The following MED23 variants were observed in gnomAD, a reference collection of about 807,000 sequenced individuals.
MED23 encodes the protein mediator complex subunit 23.
Under a neutral mutation model 163.9 loss-of-function variants are expected in MED23, and 105 were observed. The ratio of observed to expected loss-of-function variants is 0.64; its 90% confidence interval spans 0.55 to 0.75. The LOEUF is 0.75. Ranked by LOEUF, MED23 falls within the 30% of genes least tolerant of loss-of-function variation. MED23 has a pLI of 0.00. For missense variants in MED23, 1,054 were observed against 1,649.0 expected (o/e 0.64, Z 6.25); for synonymous variants, 561 against 565.6 (o/e 0.99, Z 0.12).
In MED23 at chr6:131,587,329, T is replaced by C. The variant is rs1241073761; in HGVS notation, c.*350A>G. 18 of 1,109,786 alleles carry C rather than the reference T, an allele frequency of 1.6e-5. No homozygotes were observed. The highest frequency in any genetic ancestry group is 5.8e-5 in the South Asian group (2 of 34,624). The allele number at this position is 1,109,786 out of a possible 1,614,324, so 68.7% of individuals were successfully genotyped here. A position where few individuals can be genotyped will look rare whatever the true frequency, so the allele number is the denominator to read the frequency against. ...ATATATCTGAAGACTAAATATGTCA[T>C]TAATAATAAAAAATACAAACAAAAA... On this transcript the variant is annotated 3_prime_UTR_variant, in exon 29 of 29. Transcript: ENST00000368068.
intron 12 of MED23, among the ~76,000 whole-genome samples, chr6:131,607,215 G>A (rs1452922146): frequency 6.6e-6 from 1 of 151,354 alleles, no homozygotes; most frequent in Admixed American, 6.6e-5. Flanking sequence ...GTTACAGCTA[G>A]TGCATGGTGG....
Position 131,581,314 on chromosome 6 carries a change from C to T in MED23, c.4095+6395G>A. 3 of 1,613,910 alleles carry T rather than the reference C, an allele frequency of 1.9e-6. No individual in the cohort carries two copies. On this transcript the variant is annotated intron_variant, in intron 30 of 30. Coordinates refer to the MED23 transcript ENST00000354577. Reference sequence around the variant, plus strand: ...CACACTGATATCAACACTCCACTGACAACCACAAGTGGAAACTTGCATGGA... The same window carrying T: ...CACACTGATATCAACACTCCACTGATAACCACAAGTGGAAACTTGCATGGA...
intron 13 of MED23, 72 bp downstream of exon 13, chr6:131,606,407 G>T: frequency 1.3e-6 from 2 of 1,513,716 alleles, no homozygotes; most frequent in Admixed American, 1.7e-5. Context: ...CACAAACACC[G>T]AGACCAATAT....
intron 26 of MED23, 107 bp downstream of exon 26, chr6:131,591,206 C>T (rs1774601115): frequency 1.2e-6 from 1 of 823,872 alleles, no homozygotes; most frequent in Non-Finnish European, 2.0e-6. Flanking sequence ...TCTCAATCGC[C>T]TGACCTTGTG....
intron 26 of MED23, 32 bp downstream of exon 26, chr6:131,591,281 G>A (rs762147379): frequency 3.0e-5 from 46 of 1,553,748 alleles, no homozygotes; most frequent in Middle Eastern, 1.8e-4. Context: ...CCCAGCCTAC[G>A]TCAAATTTCT....
intron 13 of MED23, 97 bp downstream of exon 13, chr6:131,606,382 G>A: frequency 2.9e-6 from 4 of 1,361,588 alleles, no homozygotes; most frequent in South Asian, 1.2e-5. Flanking sequence ...GGTATGCGGA[G>A]ATTTCCAAAT....
intron 16 of MED23, among the ~76,000 whole-genome samples, 158 bp downstream of exon 16, chr6:131,602,872 C>G (rs1287078179): frequency 6.6e-6 from 1 of 151,842 alleles, no homozygotes; most frequent in Admixed American, 6.6e-5. Flanking sequence ...GACTCTGCTC[C>G]TATACTGGAA....
intron 20 of MED23, among the ~76,000 whole-genome samples, chr6:131,597,000 T>A (rs1202570727): frequency 6.6e-6 from 1 of 152,166 alleles, no homozygotes; most frequent in Non-Finnish European, 1.5e-5. Context: ...TACACCTCCA[T>A]CTTATCCTGA....
chr6:131,623,470 A>G lies in MED23; in HGVS notation c.285-8T>C. On this transcript the variant is annotated splice_region_variant and splice_polypyrimidine_tract_variant and intron_variant, in intron 4 of 28. Transcript: ENST00000368068. ...AGGGATTCACAAACCAGCCTATAAA[A>G]AAAGAAATAGCCATTCCAGTTACAA... 1 of 1,609,142 alleles carries G rather than the reference A, an allele frequency of 6.2e-7. No individual in the cohort carries two copies. The highest frequency in any genetic ancestry group is 8.5e-7 in the Non-Finnish European group (1 of 1,175,406).
At chr6:131,605,592 C>T in intron 13 of MED23, 107 bp from the exon 14 acceptor site, 3 of 1,040,340 alleles carry the variant, frequency 2.9e-6, no homozygotes, top group Admixed American at 2.9e-5. Flanking sequence ...TTAATGCTAT[C>T]TTTGTTCCTA....
Position 131,618,403 on chromosome 6 carries a change from A to G in MED23, c.780+4T>C, listed in dbSNP as rs371587600. The G allele has an allele frequency of 6.3e-7, 1 of 1,598,814 alleles. No individual in the cohort carries two copies. Among genetic ancestry groups the G allele is most frequent in the African/African-American group, 1.3e-5 (1 of 74,584 alleles). The stretch of plus-strand genomic sequence containing the variant: ...TAAAAGTGCCATTATATTTAGCAAC[A>G]TACCTTATCATATGGCAAAAGGCCT... On this transcript the variant is annotated splice_donor_region_variant and intron_variant, in intron 9 of 28. Transcript: ENST00000368068.
At chr6:131,603,493 A>G (rs1011044965) in intron 15 of MED23, among the ~76,000 whole-genome samples, 3 of 151,988 alleles carry the variant, frequency 2.0e-5, no homozygotes, top group Non-Finnish European at 4.4e-5. Context: ...AATCTTCTCA[A>G]TTCTGATATC....
chr6:131,589,265 T>G (rs151312084), intron 28 of MED23, among the ~76,000 whole-genome samples, 200 bp downstream of exon 28: 9 of 152,246 alleles, frequency 5.9e-5, no homozygotes, highest in African/African-American at 9.6e-5. Flanking sequence ...TACAAGAAAT[T>G]ATAACATGTA....
At chr6:131,580,822 C>G (rs969517824) in intron 30 of MED23, among the ~76,000 whole-genome samples, 1 of 152,094 alleles carries the variant, frequency 6.6e-6, no homozygotes, top group Non-Finnish European at 1.5e-5. Context: ...TAAGTATTTA[C>G]CAAGAGAGAT....
intron 9 of MED23, among the ~76,000 whole-genome samples, chr6:131,617,107 T>A (rs554905141): frequency 6.7e-6 from 1 of 149,568 alleles, no homozygotes; most frequent in Admixed American, 6.7e-5. Flanking sequence ...ATTTAATTTA[T>A]ATTTATTAAA....
At position 131,602,686 on chromosome 6, in the gene MED23, A is replaced by G. The variant is rs1775574091; in HGVS notation, c.1932-305T>C. 2.0e-5 allele frequency among the ~76,000 whole-genome samples: 3 copies of G among 152,136 alleles called. No homozygotes were observed. In the South Asian group the frequency reaches 6.2e-4, roughly 31 times the overall value. On this transcript the variant is annotated intron_variant, in intron 16 of 28. Transcript: ENST00000368068. ...TTCTATCTAAAATATATTTTAATGT[A>G]AAGCAAAATCAATGTGACATGATAC...
downstream of MED23, chr6:131,582,550 G>T (rs987798182): frequency 2.5e-6 from 3 of 1,178,510 alleles, no homozygotes; most frequent in African/African-American, 1.5e-5. Flanking sequence ...TCCAATATGT[G>T]TCTTTACCTT....
rs572370282 is a variant in MED23 at position 131,591,338 on chromosome 6, T to C, written c.3661A>G (p.Ile1221Val). Residue 1221 changes from isoleucine to valine, a missense_variant, in exon 26 of 29, where the codon ATC becomes GTC. Ile to Val is a conservative substitution (Grantham distance 29). Around this residue, in one of 11 missense-constraint regions of MED23, gnomAD observed 362 missense variants for 471.6 expected, o/e 0.77. Transcript: ENST00000368068. ...TTTGGAATGAGAGAAAGTTGTCCGATGCTAGAATGGTGCCACACAGCATGT... is the reference window on the plus strand; with the variant it reads ...TTTGGAATGAGAGAAAGTTGTCCGACGCTAGAATGGTGCCACACAGCATGT... ...LAHAVWHHSSIGQLSLIPKFL... is the reference protein window; with the variant it reads ...LAHAVWHHSSVGQLSLIPKFL... The C allele has an allele frequency of 3.1e-6, 5 of 1,613,064 alleles. No homozygotes were observed. Among genetic ancestry groups the C allele is most frequent in the African/African-American group, 2.7e-5 (2 of 75,004 alleles).
intron 30 of MED23, among the ~76,000 whole-genome samples, chr6:131,579,900 A>T (rs1417365167): frequency 6.6e-6 from 1 of 151,468 alleles, no homozygotes; most frequent in Non-Finnish European, 1.5e-5. Flanking sequence ...TTGTGTTCTC[A>T]CTCTACAGTG....
Sources: allele counts gnomAD v4.1 joint callset (sites outside exome capture counted in the v4.1 genomes callset), GRCh38; gene constraint gnomAD v4.1.1; regional missense constraint gnomAD v4.1.1; transcripts MANE v1.5; gene names NCBI Gene and HGNC (gene_info 2026-07-23, HGNC 2026-07-21).